The following CSMD2 variants were observed in gnomAD, a reference collection of about 807,000 sequenced individuals.
CSMD2 encodes the protein CUB and sushi domain-containing protein 2.
A neutral mutation model predicts 398.5 loss-of-function variants in CSMD2; 130 were observed. That is an observed-to-expected ratio of 0.33 (90% CI 0.28 to 0.38). CSMD2 has a LOEUF of 0.38. Ranked by LOEUF, CSMD2 falls within the 10% of genes least tolerant of loss-of-function variation. The probability of loss-of-function intolerance (pLI) is 1.00; values close to 1 mark genes in which losing one functional copy is unlikely to be tolerated. For missense variants in CSMD2, 3,829 were observed against 4,764.9 expected, an observed-to-expected ratio of 0.80 and a Z score of 5.78; for synonymous variants, 1,828 against 1,908.5, an observed-to-expected ratio of 0.96 and a Z score of 1.10.
intron 9 of CSMD2, chr1:33,815,484 A>G (rs1052122818): frequency 2.6e-5 from 4 of 152,202 alleles, no homozygotes; most frequent in African/African-American, 9.7e-5. Context: ...ATTAAAAGTT[A>G]CCCAAAAAAA....
intron 6 of CSMD2, among the ~76,000 whole-genome samples, chr1:33,830,454 T>A (rs1432743451): frequency 6.6e-6 from 1 of 152,340 alleles, no homozygotes; most frequent in Non-Finnish European, 1.5e-5. Flanking sequence ...GAGGGTCCTG[T>A]CTGTTAGAAG....
At chr1:34,145,455 A>G (rs1045563995) in intron 1 of CSMD2, among the ~76,000 whole-genome samples, 2 of 152,148 alleles carry the variant, frequency 1.3e-5, no homozygotes, top group African/African-American at 4.8e-5. Context: ...TGCAGCTGAG[A>G]ATGCTAATGA....
At chr1:34,161,713 C>T (rs767385232) in intron 1 of CSMD2, among the ~76,000 whole-genome samples, 1 of 151,960 alleles carries the variant, frequency 6.6e-6, no homozygotes, top group Non-Finnish European at 1.5e-5. Context: ...TAAGGAGTGA[C>T]GGGTAGTAGA....
intron 1 of CSMD2, among the ~76,000 whole-genome samples, chr1:34,116,182 A>T (rs1348519537): frequency 6.6e-6 from 1 of 152,090 alleles, no homozygotes; most frequent in African/African-American, 2.4e-5. Context: ...TAAAAACAAG[A>T]TCTAACTATA....
chr1:33,959,462 C>T (rs911821739), intron 3 of CSMD2, among the ~76,000 whole-genome samples: 1 of 152,198 alleles, frequency 6.6e-6, no homozygotes, highest in Non-Finnish European at 1.5e-5. Flanking sequence ...TGTTCTCGCC[C>T]CAGCAGCCTC....
intron 32 of CSMD2, 50 bp from the exon 33 acceptor site, chr1:33,626,631 G>T: frequency 7.2e-7 from 1 of 1,394,526 alleles, no homozygotes; most frequent in Non-Finnish European, 9.8e-7. Context: ...CAGCAGGTGG[G>T]CCCAGAAGAT....
intron 3 of CSMD2, among the ~76,000 whole-genome samples, chr1:33,941,228 T>A (rs1301776446): frequency 1.3e-5 from 2 of 152,228 alleles, no homozygotes; most frequent in Admixed American, 1.3e-4. Flanking sequence ...CAACGTAATA[T>A]TCTCAGTGAT....
At chr1:33,956,862 A>AC (rs1570624321) in intron 3 of CSMD2, among the ~76,000 whole-genome samples, 2 of 151,220 alleles carry the variant, frequency 1.3e-5, no homozygotes, top group East Asian at 3.9e-4. Flanking sequence ...CCTGCTTAAC[A>AC]CCCCCCTAAA....
rs746637583 is a variant in CSMD2 at position 33,540,644 on chromosome 1, T to C, written c.9512A>G (p.Asp3171Gly). Residue 3171 changes from aspartate (D) to glycine (G), a missense_variant, in exon 60 of 71, where the codon GAC becomes GGC. Asp to Gly is a moderately conservative substitution (Grantham distance 94). Around this residue, in one of 5 missense-constraint regions of CSMD2, gnomAD observed 917 missense variants for 1,199.5 expected, o/e 0.76. Transcript: ENST00000373381. ...LIPNGKVVGS[D>G]FMWGSSVTYA... ...AGTCACACTTGAGCCCCACATGAAG[T>C]CAGACCCCACCACCTTCCCATTGGG... 1.2e-6 allele frequency: 2 copies of C among 1,614,038 alleles called. No individual in the cohort carries two copies. Among genetic ancestry groups the C allele is most frequent in the African/African-American group, 1.3e-5 (1 of 74,914 alleles).
In CSMD2 at chr1:33,942,617, A is replaced by G. The variant is rs570091523; in HGVS notation, c.518-6663T>C. ...ATCATGGTTATGTGGAAAGTTTTAT[A>G]AAGATACTGATGCTTAGACCCTGTC... is the stretch of plus-strand genomic sequence containing the variant. On this transcript the variant is annotated intron_variant, in intron 3 of 70. Transcript: ENST00000373381. Among the ~76,000 whole-genome samples the G allele has an allele frequency of 6.6e-5, 10 of 152,380 alleles. 1 individual carries two copies. In the South Asian group the frequency reaches 1.7e-3, roughly 25 times the overall value.
chr1:33,755,091 G>A (rs897649853), intron 13 of CSMD2, among the ~76,000 whole-genome samples: 20 of 152,000 alleles, frequency 1.3e-4, no homozygotes, highest in Non-Finnish European at 1.5e-5. Context: ...TTGTCTGGTT[G>A]GGTGATTTTA....
chr1:33,544,654 G>C (rs577379205), intron 57 of CSMD2, among the ~76,000 whole-genome samples: 24 of 152,108 alleles, frequency 1.6e-4, no homozygotes, highest in Admixed American at 1.2e-3. Flanking sequence ...ATAGAGCCTG[G>C]GAAGGGTGAG....
chr1:33,788,843 G>C (rs930478813), intron 11 of CSMD2, 131 bp from the exon 12 acceptor site: 1 of 625,478 alleles, frequency 1.6e-6, no homozygotes. Context: ...GCCCCACTGT[G>C]TTTCTGACTC....
chr1:34,084,565 C>T lies in CSMD2; in HGVS notation c.404+4412G>A, dbSNP rs1303043068. Among the ~76,000 whole-genome samples the T allele has an allele frequency of 2.6e-5, 4 of 152,128 alleles. No individual in the cohort carries two copies. In the East Asian group the frequency reaches 5.8e-4, roughly 22 times the overall value. On this transcript the variant is annotated intron_variant, in intron 2 of 70. Coordinates refer to ENST00000373381, the MANE Select transcript of CSMD2 (RefSeq NM_001281956.2). ...ACAAACAACCCCATCAAAAAGTGGG[C>T]GAAGGACATGAACAGACACTTCTCA...
Position 33,537,014 on chromosome 1 carries a change from C to A in CSMD2, c.9879+8G>T, listed in dbSNP as rs1557498221. On this transcript the variant is annotated splice_region_variant and intron_variant, in intron 62 of 70. Coordinates refer to ENST00000373381, the MANE Select transcript of CSMD2 (RefSeq NM_001281956.2). The surrounding 1 kb of genome is among the most constrained non-coding windows in gnomAD (Gnocchi z 4.6). ...GTAGGAAGACCCTATCTTGGCTGAC[C>A]TCCTTACCTGGTAGCCCTGAGAATT... 2 of 1,614,028 alleles carry A rather than the reference C, an allele frequency of 1.2e-6. No individual in the cohort carries two copies. Among genetic ancestry groups the A allele is most frequent in the South Asian group, 1.1e-5 (1 of 91,082 alleles).
At chr1:33,702,757 C>T (rs1645652054) in intron 22 of CSMD2, among the ~76,000 whole-genome samples, 2 of 152,064 alleles carry the variant, frequency 1.3e-5, no homozygotes. Context: ...ATTTACATAT[C>T]AGCGCCCAAA....
At chr1:33,984,590 C>G (rs987376859) in intron 3 of CSMD2, among the ~76,000 whole-genome samples, 3 of 152,136 alleles carry the variant, frequency 2.0e-5, no homozygotes, top group Non-Finnish European at 4.4e-5. Flanking sequence ...CCAGACCAGC[C>G]TGGGCAACAT....
At chr1:33,813,553 G>C (rs34581894) in intron 9 of CSMD2, among the ~76,000 whole-genome samples, 17,269 of 152,082 alleles carry the variant, frequency 0.11, 1,160 homozygotes, top group East Asian at 0.26. Flanking sequence ...TTTCAGGAGA[G>C]ACTTCCCTGA....
chr1:33,796,128 T>C (rs1189274197), intron 10 of CSMD2, among the ~76,000 whole-genome samples: 1 of 152,258 alleles, frequency 6.6e-6, no homozygotes, highest in Non-Finnish European at 1.5e-5. Context: ...GTATTTGGCC[T>C]GTAGGCTATA....
Sources: allele counts gnomAD v4.1 joint callset (sites outside exome capture counted in the v4.1 genomes callset), GRCh38; gene constraint gnomAD v4.1.1; regional missense constraint gnomAD v4.1.1; non-coding constraint Gnocchi (gnomAD v3.1); transcripts MANE v1.5; gene names NCBI Gene and HGNC (gene_info 2026-07-23, HGNC 2026-07-21).